Variants in PEX5L observed in about 807,000 individuals in gnomAD.
The protein encoded by PEX5L is peroxisomal biogenesis factor 5 like.
A neutral mutation model predicts 84.0 loss-of-function variants in PEX5L; 30 were observed. The observed-to-expected ratio is 0.36, with a 90% CI of 0.27 to 0.48. The LOEUF is 0.48. PEX5L is among the 20% of genes least tolerant of loss of function. The pLI, the probability that PEX5L is intolerant of heterozygous loss-of-function variation, is 0.99. For synonymous variants in PEX5L, 270 were observed against 283.1 expected (o/e 0.95, Z 0.46); for missense variants, 533 against 754.6 (o/e 0.71, Z 3.44).
intron 1 of PEX5L, among the ~76,000 whole-genome samples, chr3:179,986,618 A>G (rs368391508): frequency 8.3e-4 from 126 of 152,060 alleles, no homozygotes; most frequent in Middle Eastern, 6.8e-3. Flanking sequence ...TAGCCAGGAT[A>G]GTCTCTATCT....
chr3:179,918,281 TCTC>T (rs1446726641), intron 2 of PEX5L, among the ~76,000 whole-genome samples: 4 of 152,172 alleles, frequency 2.6e-5, no homozygotes, highest in Admixed American at 6.5e-5. Context: ...TCATCTATCT[TCTC>T]CTTGAGCAAA....
chr3:179,938,827 G>C (rs1775309493), intron 2 of PEX5L, among the ~76,000 whole-genome samples: 1 of 152,190 alleles, frequency 6.6e-6, no homozygotes, highest in Admixed American at 6.5e-5. Flanking sequence ...TGCAGCTGCT[G>C]CTTCCTGCAG....
intron 2 of PEX5L, among the ~76,000 whole-genome samples, chr3:179,916,651 T>C (rs1767212479): frequency 6.6e-6 from 1 of 150,534 alleles, no homozygotes; most frequent in South Asian, 2.2e-4. Flanking sequence ...TGCTGTACTT[T>C]ATAAGTTTTT....
intron 2 of PEX5L, among the ~76,000 whole-genome samples, chr3:179,937,215 T>C (rs967598163): frequency 6.6e-6 from 1 of 152,186 alleles, no homozygotes; most frequent in African/African-American, 2.4e-5. Flanking sequence ...GTTTTATATT[T>C]AGGGAACTGC....
intron 1 of PEX5L, among the ~76,000 whole-genome samples, chr3:180,015,240 A>G (rs761195477): frequency 3.9e-5 from 6 of 152,220 alleles, no homozygotes; most frequent in Non-Finnish European, 7.3e-5. Flanking sequence ...TCCTGCTAAC[A>G]TTTGATGAAT....
In PEX5L at chr3:179,804,303, G is replaced by T. The variant is rs547886664; in HGVS notation, c.1677-2271C>A. On this transcript the variant is annotated intron_variant, in intron 14 of 14. Transcript: ENST00000467460. ...GTTTTCAAATGTTTCACACATGTAT[G>T]TATAAATAATTTTAAATGTTTGTGT... The T allele has an allele frequency of 5.9e-5, 9 of 152,168 alleles. No homozygotes were observed. In the South Asian group the frequency reaches 1.9e-3, roughly 32 times the overall value. The allele number at this position is 152,168 out of a possible 1,614,324, so 9.4% of individuals were successfully genotyped here.
chr3:179,811,516 G>T (rs1723859301), intron 11 of PEX5L, among the ~76,000 whole-genome samples: 1 of 152,066 alleles, frequency 6.6e-6, no homozygotes, highest in South Asian at 2.1e-4. Flanking sequence ...ACGTTAAAAG[G>T]AACTATTTAT....
rs763700982 is a variant in PEX5L, at chr3:179,799,799, G to A, written c.*2029C>T. 6.6e-6 allele frequency: 1 copy of A among 152,186 alleles called. No homozygotes were observed. Among genetic ancestry groups the A allele is most frequent in the Non-Finnish European group, 1.5e-5 (1 of 68,048 alleles). The allele number at this position is 152,186 out of a possible 1,614,324, so 9.4% of individuals were successfully genotyped here. On this transcript the variant is annotated 3_prime_UTR_variant, in exon 15 of 15. Transcript: ENST00000467460. The stretch of plus-strand genomic sequence containing the variant: ...GCCCCAAGAGTCCTTACCAGACTGG[G>A]TTTCTCGAATTCTACAATTCTTACA...
intron 8 of PEX5L, among the ~76,000 whole-genome samples, chr3:179,832,250 A>G (rs1246077195): frequency 6.6e-6 from 1 of 151,852 alleles, no homozygotes; most frequent in Non-Finnish European, 1.5e-5. Flanking sequence ...AGAGAGAGAG[A>G]GACAGAGAGA....
chr3:179,860,729 T>C (rs1244556459), intron 7 of PEX5L, among the ~76,000 whole-genome samples: 1 of 152,220 alleles, frequency 6.6e-6, no homozygotes, highest in Non-Finnish European at 1.5e-5. Flanking sequence ...TTAGACATTA[T>C]AATTTATTTT....
At chr3:179,938,005 A>G (rs1374668701) in intron 2 of PEX5L, among the ~76,000 whole-genome samples, 2 of 151,034 alleles carry the variant, frequency 1.3e-5, no homozygotes, top group Non-Finnish European at 3.0e-5. Context: ...CTCCATCTCT[A>G]CCTCCACCAC....
intron 1 of PEX5L, among the ~76,000 whole-genome samples, chr3:180,028,496 C>G (rs1171280681): frequency 6.6e-6 from 1 of 152,112 alleles, no homozygotes; most frequent in Non-Finnish European, 1.5e-5. Context: ...TGCCAAACAT[C>G]TAGCTATTTG....
At position 179,797,256 on chromosome 3, in the gene PEX5L, A is replaced by AGAT. The variant is rs1717320739; in HGVS notation, c.*4569_*4571dup. 1 of 152,194 alleles carries AGAT rather than the reference A, an allele frequency of 6.6e-6. No homozygotes were observed. Among genetic ancestry groups the AGAT allele is most frequent in the Non-Finnish European group, 1.5e-5 (1 of 68,016 alleles). 9.4% of individuals were successfully genotyped at this position (152,194 alleles called of 1,614,324 possible). On this transcript the variant is annotated 3_prime_UTR_variant, in exon 15 of 15. Coordinates refer to ENST00000467460, the MANE Select transcript of PEX5L (RefSeq NM_016559.3). ...TGGCACTGGTAACACTGTAGAAACC[A>AGAT]GATGTGTGAATATCTGTAAAGTTCA...
intron 3 of PEX5L, among the ~76,000 whole-genome samples, chr3:179,889,569 T>C (rs1273607382): frequency 6.6e-6 from 1 of 152,196 alleles, no homozygotes; most frequent in Non-Finnish European, 1.5e-5. Context: ...AGATCTTTCT[T>C]CAATTATTGT....
At chr3:179,890,908 G>A (rs1455461746) in intron 3 of PEX5L, among the ~76,000 whole-genome samples, 3 of 151,562 alleles carry the variant, frequency 2.0e-5, no homozygotes, top group Non-Finnish European at 4.4e-5. Context: ...AAAGGAAAAG[G>A]CACAATTCAA....
chr3:179,810,329 T>C (rs1723304820), intron 11 of PEX5L, among the ~76,000 whole-genome samples: 1 of 151,980 alleles, frequency 6.6e-6, no homozygotes, highest in African/African-American at 2.4e-5. Context: ...ATATTAAATA[T>C]CTATTATCCC....
At chr3:179,914,999 A>G (rs34508522) in intron 2 of PEX5L, among the ~76,000 whole-genome samples, 22,703 of 152,202 alleles carry the variant, frequency 0.15, 1,805 homozygotes, top group South Asian at 0.31. Flanking sequence ...ATTTAATTTA[A>G]ACACCTTCTA....
At chr3:179,974,569 T>A (rs1418270811) in intron 1 of PEX5L, among the ~76,000 whole-genome samples, 1 of 152,192 alleles carries the variant, frequency 6.6e-6, no homozygotes, top group Admixed American at 6.5e-5. Context: ...CATAAGAAGC[T>A]TTCAGCTCAG....
chr3:179,800,813 G>C lies in PEX5L; in HGVS notation c.*1015C>G, dbSNP rs1017740814. On this transcript the variant is annotated 3_prime_UTR_variant, in exon 15 of 15. Transcript: ENST00000467460. Reference sequence around the variant, plus strand: ...TATTTAAAATATTTATGGTTTAAAAGGAATATTGGTGTGCAGGGCAAAGCC... The same window carrying C: ...TATTTAAAATATTTATGGTTTAAAACGAATATTGGTGTGCAGGGCAAAGCC... The C allele has an allele frequency of 6.6e-6, 1 of 152,118 alleles. No homozygotes were observed. Among genetic ancestry groups the C allele is most frequent in the African/African-American group, 2.4e-5 (1 of 41,434 alleles). The allele number at this position is 152,118 out of a possible 1,614,324, so 9.4% of individuals were successfully genotyped here. A position where few individuals can be genotyped will look rare whatever the true frequency, so the allele number is the denominator to read the frequency against.
Sources: allele counts gnomAD v4.1 joint callset (sites outside exome capture counted in the v4.1 genomes callset), GRCh38; gene constraint gnomAD v4.1.1; transcripts MANE v1.5; gene names NCBI Gene and HGNC (gene_info 2026-07-23, HGNC 2026-07-21).